NCAM1: variants seen among roughly 807,000 people sequenced by gnomAD.
NCAM1 encodes neural cell adhesion molecule 1, also known as antigen recognized by monoclonal antibody 5.1H11.
Under a neutral mutation model 109.8 loss-of-function variants are expected in NCAM1, and 14 were observed. The ratio of observed to expected loss-of-function variants is 0.13; its 90% CI spans 0.08 to 0.20. The LOEUF is 0.20. Ranked by LOEUF, NCAM1 falls within the 10% of genes least tolerant of loss-of-function variation. The pLI is 1.00. For missense variants in NCAM1, 774 were observed against 1,109.9 expected, an observed-to-expected ratio of 0.70 and a Z score of 4.30; for synonymous variants, 418 against 442.9, an observed-to-expected ratio of 0.94 and a Z score of 0.70.
chr11:113,245,633 G>A (rs553594027), intron 14 of NCAM1, among the ~76,000 whole-genome samples: 3 of 152,222 alleles, frequency 2.0e-5, no homozygotes, highest in African/African-American at 4.8e-5. Context: ...GAGGCTCACC[G>A]AGGTCTCAGG....
chr11:113,241,139 T>C (rs45542138), intron 14 of NCAM1, among the ~76,000 whole-genome samples: 5,023 of 152,264 alleles, frequency 0.033, 145 homozygotes, highest in Non-Finnish European at 0.047. Flanking sequence ...GTGGGCTGGA[T>C]CAAAGCTCGT....
intron 1 of NCAM1, among the ~76,000 whole-genome samples, chr11:112,964,155 G>GT (rs59178181): frequency 5.6e-4 from 60 of 107,446 alleles, no homozygotes; most frequent in African/African-American, 8.2e-4. Flanking sequence ...TTTTTTTTTT[G>GT]TTTTTTTTTT....
chr11:113,161,896 A>AT (rs1942611934), intron 1 of NCAM1, among the ~76,000 whole-genome samples: 2 of 152,124 alleles, frequency 1.3e-5, no homozygotes, highest in South Asian at 4.2e-4. Flanking sequence ...GCAGCTGGTC[A>AT]TTTTTGTCCA....
At chr11:113,229,268 G>T (rs541943518) in intron 9 of NCAM1, among the ~76,000 whole-genome samples, 1 of 152,138 alleles carries the variant, frequency 6.6e-6, no homozygotes, top group Non-Finnish European at 1.5e-5. Context: ...CAAAAAGTGG[G>T]CAAAGGATAT....
At chr11:113,222,824 T>C (rs1391919723) in intron 9 of NCAM1, among the ~76,000 whole-genome samples, 1 of 152,182 alleles carries the variant, frequency 6.6e-6, no homozygotes, top group African/African-American at 2.4e-5. Flanking sequence ...TCACTCTGTT[T>C]TTCAGAAGTG....
At chr11:113,220,020 G>A (rs1944638344) in intron 8 of NCAM1, among the ~76,000 whole-genome samples, 2 of 152,122 alleles carry the variant, frequency 1.3e-5, no homozygotes, top group African/African-American at 4.8e-5. Flanking sequence ...GCATTCCCTG[G>A]GTTGCGTTGC....
intron 1 of NCAM1, among the ~76,000 whole-genome samples, chr11:113,007,943 T>C (rs1016943517): frequency 7.2e-5 from 11 of 152,210 alleles, no homozygotes; most frequent in Non-Finnish European, 1.5e-4. Context: ...AAGTGATATA[T>C]GGTAAAAATA....
intron 1 of NCAM1, among the ~76,000 whole-genome samples, chr11:113,053,318 T>A (rs1953578271): frequency 6.6e-6 from 1 of 152,224 alleles, no homozygotes; most frequent in African/African-American, 2.4e-5. Context: ...CTGATGGGCA[T>A]TTGGGTTGAT....
intron 1 of NCAM1, among the ~76,000 whole-genome samples, chr11:113,185,733 T>A (rs1565485843): frequency 6.6e-6 from 1 of 152,188 alleles, no homozygotes; most frequent in African/African-American, 2.4e-5. Context: ...AGAGTTTAAC[T>A]GAGTTTAATA....
intron 1 of NCAM1, among the ~76,000 whole-genome samples, chr11:112,988,751 ATT>A (rs140491695): frequency 1.5e-5 from 2 of 137,892 alleles, no homozygotes; most frequent in African/African-American, 2.7e-5. Context: ...TTTCAACAGT[ATT>A]TTTTTTTTTT....
chr11:113,268,512 A>G (rs1555124727), intron 17 of NCAM1, among the ~76,000 whole-genome samples: 1 of 152,230 alleles, frequency 6.6e-6, no homozygotes, highest in Non-Finnish European at 1.5e-5. Context: ...AGCTGCACCC[A>G]GGGGTCTCAG....
chr11:113,152,743 C>T (rs1403785904), intron 1 of NCAM1, among the ~76,000 whole-genome samples: 3 of 152,220 alleles, frequency 2.0e-5, no homozygotes, highest in Non-Finnish European at 4.4e-5. Context: ...AAATTTGGTC[C>T]TTCCTTCAAG....
intron 1 of NCAM1, among the ~76,000 whole-genome samples, chr11:113,025,276 G>GT (rs1394098353): frequency 4.6e-5 from 7 of 152,146 alleles, no homozygotes; most frequent in African/African-American, 1.7e-4. Flanking sequence ...TTGCTCATGT[G>GT]TTGGGTTATA....
intron 1 of NCAM1, among the ~76,000 whole-genome samples, chr11:113,051,584 T>G (rs577117579): frequency 4.6e-5 from 7 of 152,358 alleles, no homozygotes; most frequent in African/African-American, 1.4e-4. Context: ...CTTTTGTTTA[T>G]GTACAAACAT....
chr11:113,016,261 T>C (rs1314071010), intron 1 of NCAM1, among the ~76,000 whole-genome samples: 2 of 152,176 alleles, frequency 1.3e-5, no homozygotes, highest in African/African-American at 4.8e-5. Context: ...TTAGGACACT[T>C]AGGCTTGTTA....
intron 17 of NCAM1, chr11:113,264,060 T>C (rs1042206119): frequency 3.2e-5 from 32 of 985,234 alleles, no homozygotes; most frequent in Non-Finnish European, 3.6e-5. Context: ...TAAGGTCCCT[T>C]GTGGAGACTC....
At chr11:112,984,987 G>GC (rs1951259643) in intron 1 of NCAM1, among the ~76,000 whole-genome samples, 1 of 151,712 alleles carries the variant, frequency 6.6e-6, no homozygotes, top group Non-Finnish European at 1.5e-5. Flanking sequence ...GTGTCAAGGA[G>GC]CTTTTCCCCT....
At chr11:113,219,221 A>G (rs1944618036) in intron 8 of NCAM1, among the ~76,000 whole-genome samples, 1 of 152,234 alleles carries the variant, frequency 6.6e-6, no homozygotes, top group African/African-American at 2.4e-5. Flanking sequence ...CCCACAAGTA[A>G]GAGAGAACTT....
chr11:113,131,961 G>C (rs539234528), intron 1 of NCAM1, among the ~76,000 whole-genome samples: 113 of 152,336 alleles, frequency 7.4e-4, no homozygotes, highest in African/African-American at 2.7e-3. Context: ...CTTGAAGTCC[G>C]TCTGGAGCTA....
Sources: allele counts gnomAD v4.1 joint callset (sites outside exome capture counted in the v4.1 genomes callset), GRCh38; gene constraint gnomAD v4.1.1; transcripts MANE v1.5; gene names NCBI Gene and HGNC (gene_info 2026-07-23, HGNC 2026-07-21).